Variants in DRC11L observed in about 807,000 individuals in gnomAD.
DRC11L encodes the protein dynein regulatory complex subunit like-11.
the DRC11L span, chr7:151,203,237 C>T: frequency 1.3e-4 from 53 of 398,094 alleles, no homozygotes; most frequent in South Asian, 4.9e-3. Flanking sequence ...CTTGTCTTGG[C>T]GTTGGAGGGT....
At chr7:151,194,947 A>G in the DRC11L span, among the ~76,000 whole-genome samples, 3 of 152,198 alleles carry the variant, frequency 2.0e-5, no homozygotes, top group Admixed American at 6.5e-5. Flanking sequence ...CTTCTTAGAA[A>G]CTACATTTAA....
the DRC11L span, chr7:151,198,984 A>G: frequency 1.5e-5 from 6 of 398,876 alleles, no homozygotes; most frequent in African/African-American, 1.0e-4. Context: ...CAGGTGCTCT[A>G]CCTGGTTGGG....
the DRC11L span, chr7:151,192,779 C>A: frequency 2.5e-6 from 1 of 399,126 alleles, no homozygotes; most frequent in Non-Finnish European, 4.4e-6. Flanking sequence ...TATAGAAATT[C>A]TTCTCAGCAT....
the DRC11L span, chr7:151,192,256 C>A: frequency 2.5e-6 from 1 of 399,078 alleles, no homozygotes; most frequent in Non-Finnish European, 4.4e-6. Flanking sequence ...CGCAGCCGTC[C>A]CCACATCCCC....
the DRC11L span, chr7:151,193,309 C>T: frequency 7.5e-6 from 3 of 399,530 alleles, no homozygotes; most frequent in Non-Finnish European, 1.3e-5. Context: ...CTATATGCAC[C>T]ATCATCTGTG....
At chr7:151,202,688 T>C in the DRC11L span, among the ~76,000 whole-genome samples, 1 of 152,134 alleles carries the variant, frequency 6.6e-6, no homozygotes, top group Admixed American at 6.6e-5. Context: ...CCATCTCTAC[T>C]AAAAATACAA....
At chr7:151,202,356 C>T in the DRC11L span, among the ~76,000 whole-genome samples, 1 of 152,182 alleles carries the variant, frequency 6.6e-6, no homozygotes, top group Admixed American at 6.5e-5. Flanking sequence ...TCATTTTCAA[C>T]AGTCTTAAGA....
At chr7:151,197,820 A>C in the DRC11L span, 2 of 399,216 alleles carry the variant, frequency 5.0e-6, no homozygotes, top group Non-Finnish European at 8.8e-6. Flanking sequence ...CCAACAGGGT[A>C]CCTGTTCTGG....
chr7:151,196,328 C>T, the DRC11L span: 1 of 397,666 alleles, frequency 2.5e-6, no homozygotes, highest in East Asian at 3.6e-5. Flanking sequence ...GTTGGGTGTT[C>T]AGGACAAGAG....
the DRC11L span, chr7:151,191,068 G>A: frequency 7.5e-6 from 3 of 399,404 alleles, no homozygotes; most frequent in East Asian, 1.1e-4. Context: ...CTTGCCCAGT[G>A]GGGTCTTGAA....
the DRC11L span, among the ~76,000 whole-genome samples, chr7:151,193,826 G>T: frequency 4.6e-5 from 7 of 151,890 alleles, no homozygotes; most frequent in Non-Finnish European, 1.0e-4. Flanking sequence ...GAAAGGCACG[G>T]GACACGGGAG....
At chr7:151,200,487 C>T in the DRC11L span, 1 of 399,288 alleles carries the variant, frequency 2.5e-6, no homozygotes, top group East Asian at 3.6e-5. Context: ...ACACAGGACA[C>T]ACAGGACACA....
At chr7:151,197,531 G>A in the DRC11L span, among the ~76,000 whole-genome samples, 4 of 152,134 alleles carry the variant, frequency 2.6e-5, no homozygotes, top group South Asian at 8.3e-4. Context: ...AAGGAGAAAG[G>A]GTGCCCAAGA....
the DRC11L span, chr7:151,194,739 C>T: frequency 2.5e-6 from 1 of 393,658 alleles, no homozygotes; most frequent in Non-Finnish European, 4.5e-6. Flanking sequence ...ATTCTGTGGT[C>T]AAAAACATCT....
chr7:151,198,980 C>T, the DRC11L span: 2 of 399,070 alleles, frequency 5.0e-6, no homozygotes, highest in Non-Finnish European at 8.8e-6. Context: ...TGCTCAGGTG[C>T]TCTACCTGGT....
chr7:151,203,094 G>C, the DRC11L span: 3 of 399,120 alleles, frequency 7.5e-6, no homozygotes, highest in Non-Finnish European at 1.3e-5. Flanking sequence ...TTCCTGTAAA[G>C]CTCTGGCCAG....
the DRC11L span, among the ~76,000 whole-genome samples, chr7:151,201,286 C>A: frequency 6.6e-6 from 1 of 152,216 alleles, no homozygotes; most frequent in African/African-American, 2.4e-5. The surrounding 1 kb of genome is among the most constrained non-coding windows in gnomAD (Gnocchi z 4.1). Context: ...CTGGGTCCTT[C>A]ATATATTCTT....
chr7:151,202,330 G>C, the DRC11L span, among the ~76,000 whole-genome samples: 7 of 152,242 alleles, frequency 4.6e-5, no homozygotes, highest in East Asian at 1.4e-3. Flanking sequence ...GCCTCAGCAG[G>C]ATACATTTTA....
the DRC11L span, chr7:151,191,149 CT>C: frequency 2.8e-5 from 11 of 399,782 alleles, no homozygotes; most frequent in African/African-American, 2.1e-4. Flanking sequence ...ACCCCTCCCC[CT>C]TTTACAGATT....
Sources: gnomAD v4.1 joint callset for allele counts (sites outside exome capture counted in the v4.1 genomes callset) on GRCh38, gnomAD v4.1.1 for gene constraint, Gnocchi (gnomAD v3.1) non-coding constraint, MANE v1.5 for transcripts, NCBI Gene and HGNC (gene_info 2026-07-23, HGNC 2026-07-21) for gene names.